Variants in ZMYM5 observed in about 807,000 individuals in gnomAD.
ZMYM5 encodes the protein zinc finger MYM-type containing 5, also known as zinc finger MYM-type protein 5.
ZMYM5 carries 41 observed loss-of-function variants against 61.8 expected under a neutral mutation model. That is an observed-to-expected ratio of 0.66 (90% CI 0.52 to 0.86). The LOEUF (loss-of-function observed/expected upper bound fraction) is 0.86. Ranked by LOEUF, ZMYM5 falls within the 40% of genes least tolerant of loss-of-function variation. The pLI is 0.00. For synonymous variants in ZMYM5, 257 were observed against 276.4 expected (o/e 0.93, Z 0.70); for missense variants, 706 against 786.7 (o/e 0.90, Z 1.23).
chr13:19,859,825 C>T (rs945201188), intron 2 of ZMYM5, among the ~76,000 whole-genome samples: 2 of 151,032 alleles, frequency 1.3e-5, no homozygotes, highest in African/African-American at 4.9e-5. Flanking sequence ...ATTACACAGG[C>T]CGGGTGTGGT....
At chr13:19,850,558 G>C (rs1300247332) in intron 4 of ZMYM5, among the ~76,000 whole-genome samples, 1 of 152,004 alleles carries the variant, frequency 6.6e-6, no homozygotes, top group Non-Finnish European at 1.5e-5. Context: ...CCGAGATGAC[G>C]CCATTGCACT....
intron 2 of ZMYM5, among the ~76,000 whole-genome samples, chr13:19,858,821 T>C (rs1953608668): frequency 1.3e-5 from 2 of 152,106 alleles, no homozygotes; most frequent in African/African-American, 4.8e-5. Context: ...CACTGTAGGC[T>C]CAGAAATCTG....
intron 7 of ZMYM5, among the ~76,000 whole-genome samples, chr13:19,826,238 A>T (rs1390528350): frequency 6.6e-6 from 1 of 151,600 alleles, no homozygotes; most frequent in Non-Finnish European, 1.5e-5. Flanking sequence ...TGTAATTCAA[A>T]CTACTCGGGA....
Position 19,835,614 on chromosome 13 carries a change from C to T in ZMYM5, c.1114G>A (p.Ala372Thr), listed in dbSNP as rs200196724. 352 of 1,367,646 alleles carry T rather than the reference C, an allele frequency of 2.6e-4. 2 individuals are homozygous for T. The Middle Eastern group carries it at 3.4e-3, about 13-fold the overall frequency. The allele number at this position is 1,367,646 out of a possible 1,614,324, so 84.7% of individuals were successfully genotyped here. A position where few individuals can be genotyped will look rare whatever the true frequency, so the allele number is the denominator to read the frequency against. Reference sequence around the variant, plus strand: ...CAGCAGTTCATTATTAGACCATTGGCCAATCTGTACTTATTAAAGCAATGG... The same window carrying T: ...CAGCAGTTCATTATTAGACCATTGGTCAATCTGTACTTATTAAAGCAATGG... ...SNHCFNKYRL[A>T]NGLIMNCCEH... is the part of the protein sequence containing the mutation. The change falls in exon 7 of 8, where the codon GCC (alanine) becomes ACC (threonine). Residue 372 changes from alanine (A) to threonine (T), a missense_variant. By Grantham distance (58) the Ala-to-Thr change is moderately conservative. Coordinates refer to ENST00000337963, the MANE Select transcript of ZMYM5 (RefSeq NM_001142684.2).
rs1455730589 is a variant in ZMYM5, at chr13:19,823,512, T to C, written c.*965A>G. 1 of 152,132 alleles carries C rather than the reference T, an allele frequency of 6.6e-6. No homozygotes were observed. 9.4% of individuals were successfully genotyped at this position (152,132 alleles called of 1,614,324 possible). ...TTAATATATACTTATTTTAATATTT[T>C]TTATATTTTTATCAACATAAAATAG... On this transcript the variant is annotated 3_prime_UTR_variant, in exon 8 of 8. Transcript: ENST00000337963.
At chr13:19,850,104 AC>A (rs567169603) in intron 4 of ZMYM5, among the ~76,000 whole-genome samples, 119 of 152,298 alleles carry the variant, frequency 7.8e-4, no homozygotes, top group Non-Finnish European at 8.8e-5. Context: ...GGTCAAAAAA[AC>A]AATACCAACT....
chr13:19,852,747 G>GT (rs2138623021), intron 2 of ZMYM5, among the ~76,000 whole-genome samples: 1 of 152,286 alleles, frequency 6.6e-6, no homozygotes, highest in South Asian at 2.1e-4. Flanking sequence ...CTCCATGATA[G>GT]TAGCTATAAT....
At chr13:19,848,784 C>T (rs1593896083) in intron 4 of ZMYM5, among the ~76,000 whole-genome samples, 2 of 152,110 alleles carry the variant, frequency 1.3e-5, no homozygotes, top group Admixed American at 1.3e-4. Flanking sequence ...ATCCACCTGC[C>T]TTGGCCTCCC....
chr13:19,840,673 C>CACTTTTT (rs1952836120), intron 4 of ZMYM5, among the ~76,000 whole-genome samples: 1 of 151,584 alleles, frequency 6.6e-6, no homozygotes, highest in East Asian at 2.0e-4. Context: ...CACACCTGGC[C>CACTTTTT]ACTTTTTTTT....
intron 2 of ZMYM5, among the ~76,000 whole-genome samples, chr13:19,860,101 CAAAA>C (rs537760988): frequency 6.4e-5 from 2 of 31,332 alleles, no homozygotes; most frequent in African/African-American, 1.2e-4. Context: ...AAGACTGTCT[CAAAA>C]AAAAAAAAAA....
At chr13:19,851,587 A>C in intron 3 of ZMYM5, 102 bp downstream of exon 3, 1 of 1,547,966 alleles carries the variant, frequency 6.5e-7, no homozygotes. Context: ...CTTGCCCAGC[A>C]TTCACAGAGC....
intron 4 of ZMYM5, among the ~76,000 whole-genome samples, chr13:19,847,168 C>A (rs1356613916): frequency 6.6e-6 from 1 of 152,016 alleles, no homozygotes; most frequent in Admixed American, 6.6e-5. Context: ...AGGCTGGTCT[C>A]GAACTCCCAG....
chr13:19,839,087 G>T, intron 4 of ZMYM5, 102 bp from the exon 5 acceptor site: 1 of 1,420,632 alleles, frequency 7.0e-7, no homozygotes, highest in Non-Finnish European at 9.5e-7. Context: ...AGTGGGGCAG[G>T]CGTATAAACA....
At chr13:19,842,960 CAAAAAAAAAA>C (rs753799756) in intron 4 of ZMYM5, among the ~76,000 whole-genome samples, 2 of 77,734 alleles carry the variant, frequency 2.6e-5, no homozygotes, top group East Asian at 5.9e-4. Context: ...AACTCCATCT[CAAAAAAAAAA>C]AAAAAAAAAA....
At chr13:19,859,625 T>C (rs1467270890) in intron 2 of ZMYM5, among the ~76,000 whole-genome samples, 1 of 151,520 alleles carries the variant, frequency 6.6e-6, no homozygotes, top group East Asian at 2.0e-4. Flanking sequence ...GCCAGGATGG[T>C]CTCAATCTCC....
At chr13:19,835,077 A>G (rs1351050471) in intron 7 of ZMYM5, among the ~76,000 whole-genome samples, 1 of 151,522 alleles carries the variant, frequency 6.6e-6, no homozygotes. Flanking sequence ...TGTAGCCTCA[A>G]TCTCCCAGGT....
At position 19,837,737 on chromosome 13, in the gene ZMYM5, C is replaced by T. The variant is rs752686529; in HGVS notation, c.957G>A (p.Leu319=). The change falls in exon 6 of 8, where the codon TTG becomes TTA. Residue 319 remains leucine (L), a synonymous_variant. Coordinates refer to ENST00000337963, the MANE Select transcript of ZMYM5 (RefSeq NM_001142684.2). ...GATTCCAGTTGTTTTCACAGGGAGACAAACAAGATGTACTATAAAATTCTT... is the reference window on the plus strand; with the variant it reads ...GATTCCAGTTGTTTTCACAGGGAGATAAACAAGATGTACTATAAAATTCTT... ...SFQEFYSTSC[L]SPCENNWNLK... 6 of 1,583,010 alleles carry T rather than the reference C, an allele frequency of 3.8e-6. No individual in the cohort carries two copies. The Admixed American group carries it at 8.2e-5, about 22-fold the overall frequency.
chr13:19,838,793 C>T lies in ZMYM5; in HGVS notation c.779G>A (p.Arg260Gln), dbSNP rs143728763. 3.1e-5 allele frequency: 50 copies of T among 1,614,126 alleles called. No homozygotes were observed. The highest frequency in any genetic ancestry group is 1.6e-4 in the East Asian group (7 of 44,884). Residue 260 changes from arginine to glutamine, a missense_variant, in exon 5 of 8, where the codon CGA becomes CAA. By Grantham distance (43) the Arg-to-Gln change is conservative. Coordinates refer to ENST00000337963, the MANE Select transcript of ZMYM5 (RefSeq NM_001142684.2). ...PLQKGQTAYQ[R>Q]KGSAHLFCST... is the part of the protein sequence containing the mutation. ...GCAAAAGAGGTGAGCTGATCCTTTT[C>T]GTTGATAAGCTGTCTGTCCCTTCTG...
intron 1 of ZMYM5, among the ~76,000 whole-genome samples, chr13:19,862,704 G>A (rs1566115626): frequency 6.6e-6 from 1 of 152,224 alleles, no homozygotes; most frequent in Non-Finnish European, 1.5e-5. Context: ...TGGGCTCGGG[G>A]ATCCGAGGCC....
Sources: allele counts gnomAD v4.1 joint callset (sites outside exome capture counted in the v4.1 genomes callset), GRCh38; gene constraint gnomAD v4.1.1; transcripts MANE v1.5; gene names NCBI Gene and HGNC (gene_info 2026-07-23, HGNC 2026-07-21).